LIN7A: variants seen among roughly 807,000 people sequenced by gnomAD.
The protein encoded by LIN7A is lin-7 cell polarity scaffold A.
Under a neutral mutation model 29.8 loss-of-function variants are expected in LIN7A, and 25 were observed. That is an observed-to-expected ratio of 0.84 (90% CI 0.61 to 1.17). The LOEUF is 1.17. LIN7A is among the 50% of genes most tolerant of loss of function. The pLI is 0.00. For synonymous variants in LIN7A, 118 were observed against 107.5 expected (o/e 1.10, Z -0.60); for missense variants, 239 against 287.0 (o/e 0.83, Z 1.21).
chr12:80,807,062 A>AGTTTTTTTTTGTTTTT (rs1555221316), intron 5 of LIN7A, among the ~76,000 whole-genome samples: 2 of 32,288 alleles, frequency 6.2e-5, no homozygotes, highest in Non-Finnish European at 1.1e-4. Context: ...ATGAAGATGG[A>AGTTTTTTTTTGTTTTT]GTTTTTTTTT....
intron 4 of LIN7A, among the ~76,000 whole-genome samples, chr12:80,820,373 T>C (rs1027289683): frequency 6.6e-6 from 1 of 152,182 alleles, no homozygotes; most frequent in African/African-American, 2.4e-5. Context: ...ATGCAGAGCA[T>C]TATCAGTAAG....
intron 4 of LIN7A, among the ~76,000 whole-genome samples, chr12:80,814,297 C>T (rs189761498): frequency 9.2e-5 from 14 of 152,210 alleles, no homozygotes; most frequent in African/African-American, 2.9e-4. Flanking sequence ...TTCTTTATAA[C>T]TGGTCCCATG....
intron 4 of LIN7A, among the ~76,000 whole-genome samples, chr12:80,814,654 G>A (rs566926295): frequency 2.0e-5 from 3 of 152,068 alleles, no homozygotes; most frequent in African/African-American, 7.2e-5. Context: ...AGAGAAAAAC[G>A]GCTGGCTGGT....
At chr12:80,881,902 T>C (rs2120589607) in intron 2 of LIN7A, among the ~76,000 whole-genome samples, 1 of 152,300 alleles carries the variant, frequency 6.6e-6, no homozygotes. Flanking sequence ...TGGTTAATTC[T>C]CTTGCCATTT....
chr12:80,807,067 T>TTTTTTGTTTTTTTTTTTTTTGTTTG (rs1555221329), intron 5 of LIN7A, among the ~76,000 whole-genome samples: 1 of 69,548 alleles, frequency 1.4e-5, no homozygotes, highest in Non-Finnish European at 3.0e-5. Context: ...GATGGAGTTT[T>TTTTTTGTTTTTTTTTTTTTTGTTTG]TTTTTTTTTT....
intron 1 of LIN7A, among the ~76,000 whole-genome samples, chr12:80,889,719 T>C (rs1362366472): frequency 6.6e-6 from 1 of 152,146 alleles, no homozygotes; most frequent in Non-Finnish European, 1.5e-5. Context: ...GGTGCTTCCT[T>C]TCAGTTCAAC....
intron 4 of LIN7A, among the ~76,000 whole-genome samples, chr12:80,830,356 T>C (rs987451827): frequency 1.3e-5 from 2 of 152,192 alleles, no homozygotes; most frequent in African/African-American, 2.4e-5. Context: ...TTCAGATAAG[T>C]TAGCAAATTA....
chr12:80,833,754 C>G (rs1872483554), intron 4 of LIN7A, among the ~76,000 whole-genome samples: 1 of 152,178 alleles, frequency 6.6e-6, no homozygotes, highest in Non-Finnish European at 1.5e-5. Context: ...TTCATTCTAA[C>G]ATTCCATAGA....
intron 5 of LIN7A, among the ~76,000 whole-genome samples, chr12:80,807,069 T>TTTTGTTTTTTTTTTTTTTTTTTG (rs1178247692): frequency 1.6e-5 from 1 of 63,834 alleles, no homozygotes; most frequent in Non-Finnish European, 3.7e-5. Context: ...TGGAGTTTTT[T>TTTTGTTTTTTTTTTTTTTTTTTG]TTTTTTTTTT....
chr12:80,913,639 G>A (rs1430581811), intron 1 of LIN7A, among the ~76,000 whole-genome samples: 2 of 152,134 alleles, frequency 1.3e-5, no homozygotes, highest in Non-Finnish European at 2.9e-5. Flanking sequence ...ATTTCAGAAG[G>A]AAGCATCACA....
chr12:80,908,758 T>C (rs1481429812), intron 1 of LIN7A, among the ~76,000 whole-genome samples: 1 of 152,136 alleles, frequency 6.6e-6, no homozygotes, highest in African/African-American at 2.4e-5. Flanking sequence ...GACTATCTTT[T>C]CATATGCTTA....
At chr12:80,855,455 T>C (rs1873549114) in intron 2 of LIN7A, among the ~76,000 whole-genome samples, 1 of 152,184 alleles carries the variant, frequency 6.6e-6, no homozygotes, top group South Asian at 2.1e-4. Context: ...AAAAATTATT[T>C]GATGTGGTAT....
chr12:80,863,758 T>C (rs1873993352), intron 2 of LIN7A, among the ~76,000 whole-genome samples: 1 of 152,154 alleles, frequency 6.6e-6, no homozygotes. Flanking sequence ...ACAACAGACA[T>C]CTCTGGTCCT....
chr12:80,899,148 C>G (rs1220840645), intron 1 of LIN7A, among the ~76,000 whole-genome samples: 1 of 152,002 alleles, frequency 6.6e-6, no homozygotes, highest in African/African-American at 2.4e-5. Flanking sequence ...TTTTGAAGTA[C>G]GTTTCCTCAA....
chr12:80,919,539 T>A (rs1392647533), intron 1 of LIN7A, among the ~76,000 whole-genome samples: 1 of 152,052 alleles, frequency 6.6e-6, no homozygotes, highest in Non-Finnish European at 1.5e-5. Context: ...GGGTGCTTCC[T>A]AGAAAGAACA....
At chr12:80,933,760 C>T (rs1432624003) in intron 1 of LIN7A, among the ~76,000 whole-genome samples, 2 of 152,118 alleles carry the variant, frequency 1.3e-5, no homozygotes, top group Non-Finnish European at 2.9e-5. Flanking sequence ...TCACTTTCTA[C>T]AGGACTCTTC....
intron 5 of LIN7A, 38 bp downstream of exon 5, chr12:80,811,413 GTGTGTGTATATATA>G (rs1871280162): frequency 1.0e-5 from 7 of 702,684 alleles, no homozygotes; most frequent in East Asian, 2.8e-5. Context: ...ACATATATGT[GTGTGTGTATATATA>G]TATATATACT....
chr12:80,928,517 A>T (rs1332248021), intron 1 of LIN7A, among the ~76,000 whole-genome samples: 1 of 152,114 alleles, frequency 6.6e-6, no homozygotes, highest in Non-Finnish European at 1.5e-5. Context: ...GTCTGTTCAT[A>T]TCTTTTTCCC....
intron 1 of LIN7A, among the ~76,000 whole-genome samples, chr12:80,922,772 A>G (rs896464562): frequency 6.6e-6 from 1 of 152,150 alleles, no homozygotes. Context: ...TGATTCATCT[A>G]TTTTAAATTG....
Sources: gnomAD v4.1 joint callset for allele counts (sites outside exome capture counted in the v4.1 genomes callset) on GRCh38, gnomAD v4.1.1 for gene constraint, MANE v1.5 for transcripts, NCBI Gene and HGNC (gene_info 2026-07-23, HGNC 2026-07-21) for gene names.